Variants in ASCC3 observed in about 807,000 individuals in gnomAD.
ASCC3 encodes the protein ASC-1 complex subunit P200.
Under a neutral mutation model 256.3 loss-of-function variants are expected in ASCC3, and 158 were observed. That is an observed-to-expected ratio of 0.62 (90% confidence interval 0.54 to 0.70). The LOEUF is 0.70. Among genes scored for constraint, ASCC3 ranks in the 30% least tolerant of loss-of-function variants. The pLI, the probability that ASCC3 is intolerant of heterozygous loss-of-function variation, is 0.00. For synonymous variants in ASCC3, 948 were observed against 883.4 expected, an observed-to-expected ratio of 1.07 and a Z score of -1.30; for missense variants, 2,259 against 2,626.0, an observed-to-expected ratio of 0.86 and a Z score of 3.05.
chr6:100,781,137 T>C (rs1782427264), intron 8 of ASCC3, among the ~76,000 whole-genome samples: 1 of 152,188 alleles, frequency 6.6e-6, no homozygotes, highest in Non-Finnish European at 1.5e-5. Flanking sequence ...TTTGATTAAA[T>C]CATAATTATC....
At chr6:100,634,168 T>C (rs1774706206) in intron 25 of ASCC3, among the ~76,000 whole-genome samples, 3 of 152,216 alleles carry the variant, frequency 2.0e-5, no homozygotes, top group Admixed American at 1.3e-4. Flanking sequence ...TAGTGATGTT[T>C]TGATACATAT....
chr6:100,863,463 T>C (rs1021542593), intron 3 of ASCC3, among the ~76,000 whole-genome samples: 6 of 152,168 alleles, frequency 3.9e-5, no homozygotes, highest in Non-Finnish European at 8.8e-5. Context: ...AAAATTTTAA[T>C]TTACTTTATC....
intron 37 of ASCC3, among the ~76,000 whole-genome samples, chr6:100,519,219 A>G (rs1774182730): frequency 6.6e-6 from 1 of 152,134 alleles, no homozygotes; most frequent in Admixed American, 6.5e-5. Flanking sequence ...GGTTAAACGA[A>G]TCTATGGTTT....
chr6:100,629,991 G>A (rs1273985365), intron 26 of ASCC3, among the ~76,000 whole-genome samples: 2 of 151,640 alleles, frequency 1.3e-5, no homozygotes, highest in Admixed American at 6.6e-5. Flanking sequence ...TCCACCTCCC[G>A]GGTTCAGGTG....
chr6:100,587,895 T>C (rs1316486085), intron 36 of ASCC3, among the ~76,000 whole-genome samples: 1 of 152,184 alleles, frequency 6.6e-6, no homozygotes, highest in Admixed American at 6.5e-5. Context: ...TTAAGGTTTT[T>C]TTTGGCTTTT....
At chr6:100,705,457 T>C (rs1002839644) in intron 13 of ASCC3, among the ~76,000 whole-genome samples, 4 of 152,014 alleles carry the variant, frequency 2.6e-5, no homozygotes, top group African/African-American at 4.8e-5. Flanking sequence ...AAAAAGTGTT[T>C]AGTTGCCTGA....
At chr6:100,629,609 T>C (rs759247790) in intron 26 of ASCC3, among the ~76,000 whole-genome samples, 20 of 152,206 alleles carry the variant, frequency 1.3e-4, no homozygotes, top group Non-Finnish European at 2.5e-4. Flanking sequence ...GGATTATGTG[T>C]AAATTTAATT....
chr6:100,754,479 T>C (rs1322314037), intron 10 of ASCC3, among the ~76,000 whole-genome samples: 3 of 152,196 alleles, frequency 2.0e-5, no homozygotes, highest in African/African-American at 4.8e-5. Flanking sequence ...AATCCAATTA[T>C]ACTTTTACTT....
chr6:100,699,165 G>C (rs893491469), intron 13 of ASCC3, among the ~76,000 whole-genome samples: 10 of 152,176 alleles, frequency 6.6e-5, no homozygotes, highest in Non-Finnish European at 1.5e-4. Flanking sequence ...GTTTGGCTGT[G>C]TCCCCACACA....
At chr6:100,579,038 G>T (rs1771039847) in intron 36 of ASCC3, among the ~76,000 whole-genome samples, 1 of 152,052 alleles carries the variant, frequency 6.6e-6, no homozygotes, top group Admixed American at 6.6e-5. Flanking sequence ...GTGTGAGATG[G>T]TATCTCACTG....
chr6:100,645,184 A>G (rs992452637), intron 22 of ASCC3, among the ~76,000 whole-genome samples: 34 of 152,186 alleles, frequency 2.2e-4, no homozygotes, highest in Non-Finnish European at 5.9e-5. Context: ...GGTAGGAGAC[A>G]GTGTAAGAAA....
At chr6:100,766,526 A>G (rs1259533456) in intron 10 of ASCC3, 39 bp downstream of exon 10, 2 of 1,595,718 alleles carry the variant, frequency 1.3e-6, no homozygotes, top group Non-Finnish European at 1.7e-6. Flanking sequence ...ACCTAAAAAA[A>G]GAATGGTATT....
chr6:100,699,815 T>C (rs1244180318), intron 13 of ASCC3, among the ~76,000 whole-genome samples: 1 of 152,308 alleles, frequency 6.6e-6, no homozygotes, highest in South Asian at 2.1e-4. Flanking sequence ...ATTTTGCCCT[T>C]GCCATAGAGA....
At chr6:100,688,645 T>G (rs1777697105) in intron 13 of ASCC3, among the ~76,000 whole-genome samples, 1 of 152,184 alleles carries the variant, frequency 6.6e-6, no homozygotes, top group Admixed American at 6.5e-5. Context: ...TCACTGCCTA[T>G]CTTTTATTTT....
chr6:100,859,176 T>C (rs1239963455), intron 3 of ASCC3: 1 of 779,976 alleles, frequency 1.3e-6, no homozygotes, highest in Non-Finnish European at 2.4e-6. Context: ...CCATCCAGCC[T>C]CCTCTTCTGG....
Position 100,743,241 on chromosome 6 carries a change from C to T in ASCC3, c.1738-17538G>A, listed in dbSNP as rs139080841. Among the ~76,000 whole-genome samples, 387 of 152,300 alleles carry T rather than the reference C, an allele frequency of 2.5e-3. 8 individuals carry two copies. The highest frequency in any genetic ancestry group is 0.018 in the South Asian group (87 of 4,826). On this transcript the variant is annotated intron_variant, in intron 10 of 41. Coordinates refer to ENST00000369162, the MANE Select transcript of ASCC3 (RefSeq NM_006828.4). ...GCCATCATCCCACCCTGCTTTTCTTCATTATCCATGGGTTGAGTTGTTTGC... is the reference window on the plus strand; with the variant it reads ...GCCATCATCCCACCCTGCTTTTCTTTATTATCCATGGGTTGAGTTGTTTGC...
chr6:100,674,051 C>T (rs1481999002), intron 14 of ASCC3, among the ~76,000 whole-genome samples: 1 of 152,056 alleles, frequency 6.6e-6, no homozygotes, highest in Non-Finnish European at 1.5e-5. Flanking sequence ...TGTATATTAA[C>T]TTTTTCTTTT....
intron 13 of ASCC3, among the ~76,000 whole-genome samples, chr6:100,709,070 G>C (rs1293443480): frequency 2.0e-5 from 3 of 150,550 alleles, no homozygotes; most frequent in Non-Finnish European, 2.9e-5. Flanking sequence ...CATAGCACTA[G>C]ATTGATAACA....
At chr6:100,588,946 T>G (rs191385804) in intron 36 of ASCC3, among the ~76,000 whole-genome samples, 58 of 152,224 alleles carry the variant, frequency 3.8e-4, no homozygotes, top group Admixed American at 2.2e-3. Context: ...ACAGTAAGAA[T>G]ATATGAATAT....
Sources: allele counts gnomAD v4.1 joint callset (sites outside exome capture counted in the v4.1 genomes callset), GRCh38; gene constraint gnomAD v4.1.1; transcripts MANE v1.5; gene names NCBI Gene and HGNC (gene_info 2026-07-23, HGNC 2026-07-21).